Variants in EMC2 observed in about 807,000 individuals in gnomAD.
EMC2 encodes the protein TPR repeat protein 35.
A neutral mutation model predicts 51.6 loss-of-function variants in EMC2; 37 were observed. That is an observed-to-expected ratio of 0.72 (90% CI 0.55 to 0.94). EMC2 has a LOEUF of 0.94. Ranked by LOEUF, EMC2 falls within the 40% of genes least tolerant of loss-of-function variation. The pLI, the probability that EMC2 is intolerant of heterozygous loss-of-function variation, is 0.00. For missense variants in EMC2, 359 were observed against 350.9 expected (o/e 1.02, Z -0.18); for synonymous variants, 131 against 112.4 (o/e 1.17, Z -1.04).
chr8:108,487,856 C>A lies in EMC2; in HGVS notation c.*1258C>A, dbSNP rs115968183. ...TACAGTCATTTTCGTTTTATTCTGC[C>A]ACGAGTAATAGGCAGCTGATTAATA... On this transcript the variant is annotated 3_prime_UTR_variant, in exon 11 of 11. Coordinates refer to ENST00000220853, the MANE Select transcript of EMC2 (RefSeq NM_014673.5). Among the ~76,000 whole-genome samples, 1,482 of 152,156 alleles carry A rather than the reference C, an allele frequency of 9.7e-3. 20 individuals are homozygous for A. Among genetic ancestry groups the A allele is most frequent in the African/African-American group, 0.032 (1,341 of 41,528 alleles).
chr8:108,479,016 A>G lies in EMC2; in HGVS notation c.713A>G (p.His238Arg), dbSNP rs1810998920. The change falls in exon 10 of 11, where the codon CAT (histidine) becomes CGT (arginine). Residue 238 changes from histidine (H) to arginine (R), a missense_variant. Coordinates refer to ENST00000220853, the MANE Select transcript of EMC2 (RefSeq NM_014673.5). ...TTTATTTGTTTTTAGTCGGCAAGTCATATTGCTTCTAATCCAAAAGCAAGT... is the reference window on the plus strand; with the variant it reads ...TTTATTTGTTTTTAGTCGGCAAGTCGTATTGCTTCTAATCCAAAAGCAAGT... ...ALFGLYMSAS[H>R]IASNPKASAK... The G allele has an allele frequency of 6.4e-7, 1 of 1,567,810 alleles. No individual in the cohort carries two copies. Among genetic ancestry groups the G allele is most frequent in the Non-Finnish European group, 8.6e-7 (1 of 1,157,250 alleles).
intron 5 of EMC2, 148 bp downstream of exon 5, chr8:108,456,078 A>G (rs116661890): frequency 0.011 from 2,718 of 239,310 alleles, 87 homozygotes; most frequent in African/African-American, 0.059. Context: ...TAAATAGTTC[A>G]TGATGGGCCA....
intron 7 of EMC2, among the ~76,000 whole-genome samples, chr8:108,471,637 A>C (rs1810858124): frequency 6.6e-6 from 1 of 151,896 alleles, no homozygotes; most frequent in African/African-American, 2.4e-5. Context: ...TCACTGTAAC[A>C]ATCTACAGTG....
rs183537899 is a variant in EMC2 at position 108,483,343 on chromosome 8, G to T, written c.808-3169G>T. ...CCTTACCAGCCCCCCACTCAAAATA[G>T]CATTTCCATCACCCAAGAAACTTTC... On this transcript the variant is annotated intron_variant, in intron 10 of 10. Transcript: ENST00000220853. Among the ~76,000 whole-genome samples the T allele has an allele frequency of 1.3e-5, 2 of 152,158 alleles. 1 individual carries two copies. Among genetic ancestry groups the T allele is most frequent in the Admixed American group, 1.3e-4 (2 of 15,268 alleles).
Position 108,479,111 on chromosome 8 carries a change from G to A in EMC2, c.807+1G>A. 1.3e-6 allele frequency: 2 copies of A among 1,513,752 alleles called. No homozygotes were observed. Among genetic ancestry groups the A allele is most frequent in the Non-Finnish European group, 1.8e-6 (2 of 1,120,654 alleles). 93.8% of individuals were successfully genotyped at this position (1,513,752 alleles called of 1,614,324 possible). A position where few individuals can be genotyped will look rare whatever the true frequency, so the allele number is the denominator to read the frequency against. ...TAGTCAAATAAACAGAGCTTATCAG[G>A]TTAGTATTTATTGATCATTTTGCTA... On this transcript the variant is annotated splice_donor_variant, in intron 10 of 10. Transcript: ENST00000220853. LOFTEE classifies it high-confidence loss of function.
Position 108,453,690 on chromosome 8 carries a change from ATTTTTC to A in EMC2, c.305+549_305+554del, listed in dbSNP as rs1314691999. 2.6e-5 allele frequency among the ~76,000 whole-genome samples: 4 copies of A among 151,938 alleles called. 1 individual carries two copies. The highest frequency in any genetic ancestry group is 5.9e-5 in the Non-Finnish European group (4 of 67,928). On this transcript the variant is annotated intron_variant, in intron 4 of 10. Coordinates refer to ENST00000220853, the MANE Select transcript of EMC2 (RefSeq NM_014673.5). ...TAGTTTGTAAGAGTGCTTTCAGACT[ATTTTTC>A]TTTTTGCCGTCTTTTAAAATTTTAT...
In EMC2 at chr8:108,488,122, A is replaced by G. The variant is rs776694614; in HGVS notation, c.*1524A>G. Among the ~76,000 whole-genome samples, 3 of 151,552 alleles carry G rather than the reference A, an allele frequency of 2.0e-5. No homozygotes were observed. The highest frequency in any genetic ancestry group is 4.4e-5 in the Non-Finnish European group (3 of 67,974). On this transcript the variant is annotated 3_prime_UTR_variant, in exon 11 of 11. Coordinates refer to ENST00000220853, the MANE Select transcript of EMC2 (RefSeq NM_014673.5). Reference sequence around the variant, plus strand: ...TTTACTCTAGCAATTATATTTGTGTAATAAGTAATTCAGTGCCTCTTATAG... The same window carrying G: ...TTTACTCTAGCAATTATATTTGTGTGATAAGTAATTCAGTGCCTCTTATAG...
In EMC2 at chr8:108,475,866, C is replaced by T; in HGVS notation, c.510-16C>T. 6.8e-7 allele frequency: 1 copy of T among 1,479,954 alleles called. No homozygotes were observed. Among genetic ancestry groups the T allele is most frequent in the Non-Finnish European group, 9.3e-7 (1 of 1,078,206 alleles). The allele number at this position is 1,479,954 out of a possible 1,614,324, so 91.7% of individuals were successfully genotyped here. On this transcript the variant is annotated splice_polypyrimidine_tract_variant and intron_variant, in intron 7 of 10. Transcript: ENST00000220853. ...GTGACTTTAAAAATTAATTTCTCCT[C>T]TTGATGTGTTTTTAGCTATGCAAAA...
chr8:108,488,375 G>C lies in EMC2; in HGVS notation c.*1777G>C, dbSNP rs906135676. 3.9e-5 allele frequency among the ~76,000 whole-genome samples: 6 copies of C among 152,000 alleles called. No individual in the cohort carries two copies. The highest frequency in any genetic ancestry group is 1.5e-4 in the African/African-American group (6 of 41,374). On this transcript the variant is annotated 3_prime_UTR_variant, in exon 11 of 11. Coordinates refer to ENST00000220853, the MANE Select transcript of EMC2 (RefSeq NM_014673.5). ...GGGTTTCACCATGTTGGCCAGGCTG[G>C]TCTGAAACTCCTGGCCTCAAGTGAT...
chr8:108,477,804 A>AT (rs1810974450), intron 9 of EMC2, among the ~76,000 whole-genome samples: 1 of 152,096 alleles, frequency 6.6e-6, no homozygotes, highest in African/African-American at 2.4e-5. Context: ...TAGCTTATAC[A>AT]TGGCACTTCA....
chr8:108,481,507 A>G (rs1811044051), intron 10 of EMC2, among the ~76,000 whole-genome samples: 1 of 152,130 alleles, frequency 6.6e-6, no homozygotes, highest in African/African-American at 2.4e-5. Context: ...AACGTTATGC[A>G]TACTACATAA....
At chr8:108,476,015 T>G (rs746883708) in intron 8 of EMC2, 52 bp downstream of exon 8, 1 of 964,142 alleles carries the variant, frequency 1.0e-6, no homozygotes, top group African/African-American at 1.7e-5. Context: ...TACTATTCGG[T>G]GTTATTATGG....
chr8:108,466,239 A>G (rs1186237395), intron 5 of EMC2, among the ~76,000 whole-genome samples: 3 of 152,128 alleles, frequency 2.0e-5, no homozygotes, highest in East Asian at 3.9e-4. Context: ...ATGGTAGTAA[A>G]TGGGATTGAG....
intron 7 of EMC2, chr8:108,470,843 C>G (rs1810841451): frequency 6.6e-6 from 1 of 151,626 alleles, no homozygotes; most frequent in South Asian, 2.1e-4. Flanking sequence ...TCTTTTCCTT[C>G]TTTTTGACAG....
intron 1 of EMC2, 30 bp downstream of exon 1, chr8:108,443,728 G>A (rs1218107618): frequency 1.3e-6 from 2 of 1,593,348 alleles, no homozygotes; most frequent in Non-Finnish European, 1.7e-6. Flanking sequence ...GGTGCGGAAA[G>A]ACTAAAAGCG....
chr8:108,485,481 A>G (rs1440554263), intron 10 of EMC2, among the ~76,000 whole-genome samples: 1 of 145,044 alleles, frequency 6.9e-6, no homozygotes, highest in Non-Finnish European at 1.5e-5. Context: ...TAGGTAACAT[A>G]TATATATAAA....
intron 7 of EMC2, among the ~76,000 whole-genome samples, chr8:108,470,611 C>CA (rs1449550854): frequency 6.6e-6 from 1 of 152,058 alleles, no homozygotes; most frequent in Non-Finnish European, 1.5e-5. Flanking sequence ...TGAGAATAAT[C>CA]AAGAATGTTG....
chr8:108,485,490 A>T (rs990180887), intron 10 of EMC2, among the ~76,000 whole-genome samples: 22 of 144,942 alleles, frequency 1.5e-4, no homozygotes, highest in East Asian at 3.9e-4. Context: ...TATATATATA[A>T]AATATATACA....
chr8:108,485,620 C>G (rs1811125671), intron 10 of EMC2, among the ~76,000 whole-genome samples: 1 of 146,886 alleles, frequency 6.8e-6, no homozygotes, highest in South Asian at 2.2e-4. Context: ...ACTTACTTAT[C>G]TAGTAAATCT....
Sources: gnomAD v4.1 joint callset for allele counts (sites outside exome capture counted in the v4.1 genomes callset) on GRCh38, gnomAD v4.1.1 for gene constraint, MANE v1.5 for transcripts, NCBI Gene and HGNC (gene_info 2026-07-23, HGNC 2026-07-21) for gene names.